The following CRTC1 variants were observed in gnomAD, a reference collection of about 807,000 sequenced individuals.
CRTC1 encodes CREB regulated transcription coactivator 1, also known as CREB-regulated transcription coactivator 1.
A neutral mutation model predicts 66.1 loss-of-function variants in CRTC1; 18 were observed. That is an observed-to-expected ratio of 0.27 (90% CI 0.19 to 0.40). The LOEUF (loss-of-function observed/expected upper bound fraction) is 0.40. Ranked by LOEUF, CRTC1 falls within the 10% of genes least tolerant of loss-of-function variation. The pLI is 1.00. For missense variants in CRTC1, 669 were observed against 887.9 expected, an observed-to-expected ratio of 0.75 and a Z score of 3.13; for synonymous variants, 416 against 398.8, an observed-to-expected ratio of 1.04 and a Z score of -0.51.
intron 1 of CRTC1, among the ~76,000 whole-genome samples, chr19:18,722,740 A>G (rs962042272): frequency 2.0e-5 from 3 of 152,142 alleles, no homozygotes; most frequent in African/African-American, 4.8e-5. Context: ...CCATCTCCCC[A>G]GAGGGAGACC....
chr19:18,762,482 C>T (rs556999301), intron 8 of CRTC1, among the ~76,000 whole-genome samples: 6 of 152,342 alleles, frequency 3.9e-5, no homozygotes, highest in South Asian at 2.1e-4. Flanking sequence ...CCAGTCAGAA[C>T]GTGAGCTCCC....
intron 1 of CRTC1, among the ~76,000 whole-genome samples, chr19:18,711,328 G>A (rs917307567): frequency 2.6e-5 from 4 of 151,988 alleles, no homozygotes; most frequent in Non-Finnish European, 5.9e-5. Flanking sequence ...TGGCGGCCCC[G>A]GGGCCGCTTT....
chr19:18,722,626 T>A (rs2053654776), intron 1 of CRTC1, among the ~76,000 whole-genome samples: 1 of 152,218 alleles, frequency 6.6e-6, no homozygotes, highest in Admixed American at 6.5e-5. Flanking sequence ...ATGGACATGA[T>A]GTTCACATAA....
chr19:18,739,899 C>T (rs2054075247), intron 1 of CRTC1, among the ~76,000 whole-genome samples: 1 of 152,182 alleles, frequency 6.6e-6, no homozygotes, highest in Non-Finnish European at 1.5e-5. Flanking sequence ...ACTGGAAGGA[C>T]TCCCCAGAAG....
Position 18,779,766 on chromosome 19 carries a change from T to G in CRTC1, c.*2384T>G. 1 of 221,942 alleles carries G rather than the reference T, an allele frequency of 4.5e-6. No individual in the cohort carries two copies. The highest frequency in any genetic ancestry group is 6.5e-5 in the East Asian group (1 of 15,300). 13.7% of individuals were successfully genotyped at this position (221,942 alleles called of 1,614,324 possible). On this transcript the variant is annotated 3_prime_UTR_variant, in exon 14 of 14. Transcript: ENST00000321949. ...TCCTGAAGCCAGATTCACAGTGACA[T>G]TGTGTTAACGTGACGACCTTGGTCC...
At chr19:18,716,637 T>C (rs2053513736) in intron 1 of CRTC1, among the ~76,000 whole-genome samples, 1 of 152,180 alleles carries the variant, frequency 6.6e-6, no homozygotes, top group Admixed American at 6.5e-5. Flanking sequence ...GGAGAGGGCA[T>C]GGCTAGTATA....
chr19:18,778,549 G>A lies in CRTC1; in HGVS notation c.*1167G>A, dbSNP rs1326561798. On this transcript the variant is annotated 3_prime_UTR_variant, in exon 14 of 14. Coordinates refer to ENST00000321949, the MANE Select transcript of CRTC1 (RefSeq NM_015321.3). Reference sequence around the variant, plus strand: ...GGTCAGGCTGGGCAGGGCCTTGTCAGGAGCTCACGGTAGGCAGAGGTGCCT... The same window carrying A: ...GGTCAGGCTGGGCAGGGCCTTGTCAAGAGCTCACGGTAGGCAGAGGTGCCT... The A allele has an allele frequency of 4.3e-6, 1 of 231,570 alleles. No homozygotes were observed. The highest frequency in any genetic ancestry group is 6.1e-5 in the East Asian group (1 of 16,376). 14.3% of individuals were successfully genotyped at this position (231,570 alleles called of 1,614,324 possible). A position where few individuals can be genotyped will look rare whatever the true frequency, so the allele number is the denominator to read the frequency against.
At chr19:18,736,042 G>A (rs908261409) in intron 1 of CRTC1, among the ~76,000 whole-genome samples, 1 of 152,162 alleles carries the variant, frequency 6.6e-6, no homozygotes, top group African/African-American at 2.4e-5. Context: ...GGGTGCCTGA[G>A]CCTTGGTTGG....
chr19:18,704,227 C>G (rs553813929), intron 1 of CRTC1, among the ~76,000 whole-genome samples: 17 of 152,288 alleles, frequency 1.1e-4, no homozygotes, highest in African/African-American at 3.4e-4. Flanking sequence ...ATCTTTCCAC[C>G]TCAGCCTTTC....
chr19:18,701,155 A>G (rs1300059484), intron 1 of CRTC1, among the ~76,000 whole-genome samples: 1 of 152,246 alleles, frequency 6.6e-6, no homozygotes, highest in African/African-American at 2.4e-5. Context: ...GCCGGGGCAG[A>G]AGGAGGAGCC....
At chr19:18,747,852 C>T (rs187389413) in intron 4 of CRTC1, among the ~76,000 whole-genome samples, 21 of 152,132 alleles carry the variant, frequency 1.4e-4, no homozygotes, top group Admixed American at 1.3e-3. Flanking sequence ...CCAACGCAGG[C>T]GATCAGTTGA....
In CRTC1 at chr19:18,781,219, A is replaced by G; in HGVS notation, c.*3837A>G. The stretch of plus-strand genomic sequence containing the variant: ...TCACCCACATGTGGTGCCCTGGGCC[A>G]GGGCGTGCGGGCGCCAGAGCCTTCC... On this transcript the variant is annotated 3_prime_UTR_variant, in exon 14 of 14. Coordinates refer to ENST00000321949, the MANE Select transcript of CRTC1 (RefSeq NM_015321.3). 1 of 226,756 alleles carries G rather than the reference A, an allele frequency of 4.4e-6. No individual in the cohort carries two copies. The highest frequency in any genetic ancestry group is 8.8e-6 in the Non-Finnish European group (1 of 114,052). The allele number at this position is 226,756 out of a possible 1,614,324, so 14.0% of individuals were successfully genotyped here. A position where few individuals can be genotyped will look rare whatever the true frequency, so the allele number is the denominator to read the frequency against.
intron 10 of CRTC1, among the ~76,000 whole-genome samples, chr19:18,769,683 GT>G (rs368995088): frequency 6.6e-6 from 1 of 152,114 alleles, no homozygotes; most frequent in African/African-American, 2.4e-5. Context: ...GGCTCCCAAG[GT>G]GGGGCCTCGC....
chr19:18,693,751 A>T (rs1446124264), intron 1 of CRTC1, among the ~76,000 whole-genome samples: 2 of 148,368 alleles, frequency 1.3e-5, no homozygotes, highest in Non-Finnish European at 3.0e-5. Context: ...AAGTGCTGGG[A>T]TTACAGGCGT....
chr19:18,747,061 C>T lies in CRTC1; in HGVS notation c.390C>T (p.Ser130=). The T allele has an allele frequency of 6.2e-7, 1 of 1,613,296 alleles. No homozygotes were observed. Among genetic ancestry groups the T allele is most frequent in the Non-Finnish European group, 8.5e-7 (1 of 1,179,754 alleles). The change falls in exon 4 of 14, where the codon AGC becomes AGT. Residue 130 remains serine, a synonymous_variant. Transcript: ENST00000321949. The stretch of plus-strand genomic sequence containing the variant: ...CCCTTAACTCACCTCACGCCGACAG[C>T]TGCCCCTATGGCACCATGTACCTCT... ...SVDKHGRQAD[S]CPYGTMYLSP...
At chr19:18,767,154 A>G (rs1298776009) in intron 9 of CRTC1, among the ~76,000 whole-genome samples, 4 of 152,144 alleles carry the variant, frequency 2.6e-5, no homozygotes, top group Non-Finnish European at 5.9e-5. Flanking sequence ...AAAAAACCCT[A>G]ACAGAGAACT....
At position 18,697,618 on chromosome 19, in the gene CRTC1, G is replaced by A. The variant is rs969749838; in HGVS notation, c.126+13790G>A. ...AGCCAATGCTCTTGGCCCAACCTGG[G>A]AGGCCCTGCTGTCTTTGGTGCATGG... On this transcript the variant is annotated intron_variant, in intron 1 of 13. Coordinates refer to ENST00000321949, the MANE Select transcript of CRTC1 (RefSeq NM_015321.3). Among the ~76,000 whole-genome samples the A allele has an allele frequency of 3.3e-5, 5 of 152,226 alleles. No individual in the cohort carries two copies. The South Asian group carries it at 1.0e-3, about 32-fold the overall frequency.
At chr19:18,694,169 C>G (rs2052926436) in intron 1 of CRTC1, among the ~76,000 whole-genome samples, 1 of 148,840 alleles carries the variant, frequency 6.7e-6, no homozygotes, top group South Asian at 2.1e-4. Context: ...GGCATGGTGG[C>G]TCATGCCTGT....
At chr19:18,728,610 A>G (rs1600860999) in intron 1 of CRTC1, among the ~76,000 whole-genome samples, 1 of 147,884 alleles carries the variant, frequency 6.8e-6, no homozygotes, top group Non-Finnish European at 1.5e-5. Flanking sequence ...GTTTCAAGTG[A>G]CTCTCCCGCC....
Sources: allele counts gnomAD v4.1 joint callset (sites outside exome capture counted in the v4.1 genomes callset), GRCh38; gene constraint gnomAD v4.1.1; transcripts MANE v1.5; gene names NCBI Gene and HGNC (gene_info 2026-07-23, HGNC 2026-07-21).